GRAMD2B: variants seen among roughly 807,000 people sequenced by gnomAD.
GRAMD2B encodes the protein GRAM domain-containing protein 2B.
A neutral mutation model predicts 59.2 loss-of-function variants in GRAMD2B; 41 were observed. The ratio of observed to expected loss-of-function variants is 0.69; its 90% CI spans 0.54 to 0.90. The LOEUF is 0.90. Ranked by LOEUF, GRAMD2B falls within the 40% of genes least tolerant of loss-of-function variation. GRAMD2B has a pLI of 0.00. For synonymous variants in GRAMD2B, 161 were observed against 182.7 expected (o/e 0.88, Z 0.96); for missense variants, 424 against 500.5 (o/e 0.85, Z 1.46).
At chr5:126,409,847 T>C (rs1231611872) in intron 1 of GRAMD2B, among the ~76,000 whole-genome samples, 4 of 151,860 alleles carry the variant, frequency 2.6e-5, no homozygotes, top group Admixed American at 6.6e-5. Context: ...CTTTAATCCA[T>C]CTTGAATTAA....
At chr5:126,394,147 T>A (rs28577084) in intron 1 of GRAMD2B, among the ~76,000 whole-genome samples, 14 of 151,264 alleles carry the variant, frequency 9.3e-5, no homozygotes, top group Non-Finnish European at 1.6e-4. Flanking sequence ...TGGTGGCGGG[T>A]GCCTGTAGTC....
At chr5:126,481,205 AAGAAAGAAAGAAAGAAAGAAAGAAAG>A (rs1211775920) in intron 8 of GRAMD2B, among the ~76,000 whole-genome samples, 1 of 2,150 alleles carries the variant, frequency 4.7e-4, no homozygotes. Context: ...AAAAAAAAAA[AAGAAAGAAAGAAAGAAAGAAAGAAAG>A]AAAGAAAGAA....
chr5:126,419,129 T>C (rs529892950), upstream of GRAMD2B, among the ~76,000 whole-genome samples: 1 of 152,334 alleles, frequency 6.6e-6, no homozygotes, highest in South Asian at 2.1e-4. Context: ...TGTGTATTAG[T>C]CGATTCTCAC....
At chr5:126,483,355 A>C in intron 8 of GRAMD2B, 108 bp from the exon 9 acceptor site, 1 of 575,744 alleles carries the variant, frequency 1.7e-6, no homozygotes, top group Non-Finnish European at 3.1e-6. Context: ...CCTTCCTTCT[A>C]TTCTATGTTT....
chr5:126,389,538 T>A (rs927152591), intron 1 of GRAMD2B, among the ~76,000 whole-genome samples: 11 of 152,322 alleles, frequency 7.2e-5, no homozygotes, highest in South Asian at 2.1e-4. Context: ...GAATGGTTTT[T>A]TTATTATTAT....
Position 126,481,694 on chromosome 5 carries a change from G to A in GRAMD2B, c.735+987G>A, listed in dbSNP as rs560016862. 1.9e-4 allele frequency among the ~76,000 whole-genome samples: 29 copies of A among 152,228 alleles called. No homozygotes were observed. In the East Asian group the frequency reaches 2.9e-3, roughly 15 times the overall value. On this transcript the variant is annotated intron_variant, in intron 8 of 13. Coordinates refer to ENST00000285689, the MANE Select transcript of GRAMD2B (RefSeq NM_023927.4). ...ATAAAAAGGAAATTAAGGGCCAGGC[G>A]CAGTGGCTCACGCCTGTAATCCCAG...
chr5:126,489,324 C>T (rs797017857), intron 13 of GRAMD2B, among the ~76,000 whole-genome samples: 82 of 152,222 alleles, frequency 5.4e-4, no homozygotes, highest in African/African-American at 1.9e-3. Context: ...CCTATTAGAA[C>T]CATGGAAGAT....
chr5:126,374,877 T>C (rs567510040), intron 1 of GRAMD2B, among the ~76,000 whole-genome samples: 1 of 152,360 alleles, frequency 6.6e-6, no homozygotes, highest in Non-Finnish European at 1.5e-5. Context: ...CAAGACTCCT[T>C]ACCCAGTTCA....
At chr5:126,487,036 C>T (rs892604881) in intron 12 of GRAMD2B, 59 bp downstream of exon 12, 79 of 886,188 alleles carry the variant, frequency 8.9e-5, no homozygotes, top group South Asian at 2.1e-4. Flanking sequence ...TAATAATTGA[C>T]CTGAACTTAG....
At chr5:126,441,951 CTT>C (rs374641395) in intron 1 of GRAMD2B, among the ~76,000 whole-genome samples, 179 of 152,052 alleles carry the variant, frequency 1.2e-3, no homozygotes, top group African/African-American at 4.2e-3. Context: ...AATCAAAACA[CTT>C]TTTTTCTGGC....
intron 6 of GRAMD2B, among the ~76,000 whole-genome samples, chr5:126,478,672 CAG>C (rs1372446288): frequency 6.6e-6 from 1 of 150,900 alleles, no homozygotes; most frequent in African/African-American, 2.4e-5. Context: ...GCCTGGGAGA[CAG>C]AGGTTGCAGT....
chr5:126,384,280 T>C (rs961512674), intron 1 of GRAMD2B, among the ~76,000 whole-genome samples: 2 of 152,168 alleles, frequency 1.3e-5, no homozygotes, highest in Non-Finnish European at 2.9e-5. Context: ...ACAATGTACA[T>C]GCAGTTTGAA....
At chr5:126,405,945 T>C (rs1357687526) in intron 1 of GRAMD2B, among the ~76,000 whole-genome samples, 1 of 151,920 alleles carries the variant, frequency 6.6e-6, no homozygotes, top group African/African-American at 2.4e-5. Flanking sequence ...TAAAATGTTC[T>C]AGTGTTACAT....
At chr5:126,380,330 C>T (rs1755557938) in intron 1 of GRAMD2B, among the ~76,000 whole-genome samples, 1 of 152,106 alleles carries the variant, frequency 6.6e-6, no homozygotes, top group East Asian at 1.9e-4. Context: ...AGTTTGAAGT[C>T]AGGTAATGTG....
intron 1 of GRAMD2B, among the ~76,000 whole-genome samples, chr5:126,441,396 C>A (rs934179808): frequency 6.6e-6 from 1 of 152,176 alleles, no homozygotes; most frequent in African/African-American, 2.4e-5. Flanking sequence ...TCCTCATTGG[C>A]GCTGCAGAGG....
intron 1 of GRAMD2B, among the ~76,000 whole-genome samples, chr5:126,424,685 C>T (rs767665492): frequency 9.9e-5 from 15 of 152,226 alleles, no homozygotes; most frequent in Non-Finnish European, 1.9e-4. Context: ...TCTGTAACTG[C>T]ACCCATGTAG....
At chr5:126,419,325 AGAGAGAGAGC>A (rs1482217698), upstream of GRAMD2B, among the ~76,000 whole-genome samples, 1 of 152,072 alleles carries the variant, frequency 6.6e-6, no homozygotes, top group Non-Finnish European at 1.5e-5. Context: ...GGTGAGAGAG[AGAGAGAGAGC>A]GAGAGAGAGC....
chr5:126,419,626 T>G (rs1759551277), upstream of GRAMD2B, among the ~76,000 whole-genome samples: 1 of 152,172 alleles, frequency 6.6e-6, no homozygotes, highest in Non-Finnish European at 1.5e-5. Context: ...ATGTGCTCAA[T>G]GTTAAGGAAG....
intron 1 of GRAMD2B, among the ~76,000 whole-genome samples, chr5:126,458,323 T>C (rs1402189022): frequency 1.3e-5 from 2 of 151,952 alleles, no homozygotes; most frequent in Non-Finnish European, 2.9e-5. Flanking sequence ...TAATCCCAGC[T>C]ACTTAGGAGG....
Sources: gnomAD v4.1 joint callset for allele counts (sites outside exome capture counted in the v4.1 genomes callset) on GRCh38, gnomAD v4.1.1 for gene constraint, MANE v1.5 for transcripts, NCBI Gene and HGNC (gene_info 2026-07-23, HGNC 2026-07-21) for gene names.